FAF1: variants seen among roughly 807,000 people sequenced by gnomAD.
FAF1 encodes the protein Fas associated factor 1.
FAF1 carries 25 observed loss-of-function variants against 92.5 expected under a neutral mutation model. The observed-to-expected ratio is 0.27, with a 90% CI of 0.20 to 0.38. The LOEUF (loss-of-function observed/expected upper bound fraction) is 0.38, where lower values mean the gene tolerates loss of function less well. FAF1 is among the 10% of genes least tolerant of loss of function. The probability of loss-of-function intolerance (pLI) is 1.00; values close to 1 mark genes in which losing one functional copy is unlikely to be tolerated. For missense variants in FAF1, 636 were observed against 793.3 expected (o/e 0.80, Z 2.38); for synonymous variants, 234 against 273.2 (o/e 0.86, Z 1.42).
At chr1:50,449,983 T>C (rs1429736584) in intron 18 of FAF1, among the ~76,000 whole-genome samples, 1 of 151,540 alleles carries the variant, frequency 6.6e-6, no homozygotes, top group East Asian at 2.0e-4. Context: ...TCACTTGAGG[T>C]CAGGAGTTCG....
At chr1:50,797,631 C>A (rs777651017) in intron 3 of FAF1, among the ~76,000 whole-genome samples, 18 of 151,966 alleles carry the variant, frequency 1.2e-4, no homozygotes, top group South Asian at 4.1e-4. Flanking sequence ...TCCAGGAAGT[C>A]GAGGCTGCAG....
At chr1:50,599,189 T>A (rs1244091192) in intron 8 of FAF1, among the ~76,000 whole-genome samples, 7 of 152,098 alleles carry the variant, frequency 4.6e-5, no homozygotes, top group Admixed American at 4.6e-4. Context: ...CTCAGCTCAC[T>A]GCAACCTCCA....
Position 50,744,795 on chromosome 1 carries a change from TCA to T in FAF1, c.368-22_368-21del. 1 of 1,394,030 alleles carries T rather than the reference TCA, an allele frequency of 7.2e-7. No individual in the cohort carries two copies. Among genetic ancestry groups the T allele is most frequent in the South Asian group, 1.2e-5 (1 of 81,306 alleles). The allele number at this position is 1,394,030 out of a possible 1,614,324, so 86.4% of individuals were successfully genotyped here. On this transcript the variant is annotated intron_variant, in intron 4 of 18. Coordinates refer to ENST00000396153, the MANE Select transcript of FAF1 (RefSeq NM_007051.3). ...TCTCTCCTGTATAAATAAGAAGAGA[TCA>T]AATATTACTAACAAAATAACACAGT...
At chr1:50,472,725 T>TA (rs1391299350) in intron 18 of FAF1, among the ~76,000 whole-genome samples, 2 of 152,170 alleles carry the variant, frequency 1.3e-5, no homozygotes, top group East Asian at 3.8e-4. Context: ...TTAAGGCTTA[T>TA]ATTATTTGTT....
At chr1:50,842,044 T>C (rs774474916) in intron 2 of FAF1, among the ~76,000 whole-genome samples, 2 of 152,094 alleles carry the variant, frequency 1.3e-5, no homozygotes, top group African/African-American at 2.4e-5. Flanking sequence ...GGCCTCATTA[T>C]ACTTTCTAAC....
chr1:50,623,965 A>G (rs111788179), intron 8 of FAF1, among the ~76,000 whole-genome samples: 2,085 of 151,948 alleles, frequency 0.014, 46 homozygotes, highest in African/African-American at 0.046. Context: ...GAAGAAGAAG[A>G]AGAAAGAAGA....
chr1:50,646,549 A>G (rs1654596044), intron 8 of FAF1, among the ~76,000 whole-genome samples: 1 of 152,214 alleles, frequency 6.6e-6, no homozygotes, highest in South Asian at 2.1e-4. Context: ...CTTACTTCCA[A>G]TGCTTATAAT....
intron 1 of FAF1, among the ~76,000 whole-genome samples, chr1:50,913,476 T>C (rs1361435123): frequency 1.3e-5 from 2 of 152,204 alleles, no homozygotes; most frequent in Non-Finnish European, 2.9e-5. Flanking sequence ...GGGCTGAATC[T>C]ATCCATTAGA....
chr1:50,700,970 C>A (rs1486443182), intron 7 of FAF1, among the ~76,000 whole-genome samples: 5 of 151,906 alleles, frequency 3.3e-5, no homozygotes, highest in African/African-American at 9.7e-5. Context: ...AAAATGATCC[C>A]TACTGATTTA....
At chr1:50,490,704 T>C (rs1363677174) in intron 16 of FAF1, 39 bp from the exon 17 acceptor site, 8 of 1,165,852 alleles carry the variant, frequency 6.9e-6, no homozygotes, top group African/African-American at 4.6e-5. Flanking sequence ...ACTTAACACA[T>C]ACTTGTTTAC....
intron 15 of FAF1, among the ~76,000 whole-genome samples, chr1:50,525,426 T>C (rs1368526069): frequency 6.6e-6 from 1 of 152,246 alleles, no homozygotes; most frequent in Non-Finnish European, 1.5e-5. Context: ...ACAAGTTTGC[T>C]GACTTTGTTT....
chr1:50,507,422 G>C (rs1234682178), intron 15 of FAF1, among the ~76,000 whole-genome samples: 1 of 152,168 alleles, frequency 6.6e-6, no homozygotes, highest in Non-Finnish European at 1.5e-5. Context: ...CATTTTTACG[G>C]GGACTAGTTA....
chr1:50,831,797 A>C (rs1644155253), intron 2 of FAF1, among the ~76,000 whole-genome samples: 1 of 141,014 alleles, frequency 7.1e-6, no homozygotes, highest in Non-Finnish European at 1.5e-5. Context: ...GAGTATCCTT[A>C]TCAGAGACAA....
chr1:50,945,779 C>T (rs1645168535), intron 1 of FAF1, among the ~76,000 whole-genome samples: 1 of 152,214 alleles, frequency 6.6e-6, no homozygotes, highest in South Asian at 2.1e-4. Context: ...TAGCAACAGG[C>T]AAAGGTCCGT....
At position 50,755,970 on chromosome 1, in the gene FAF1, T is replaced by C. The variant is rs534554713; in HGVS notation, c.368-11195A>G. 1.6e-4 allele frequency among the ~76,000 whole-genome samples: 24 copies of C among 152,308 alleles called. No homozygotes were observed. The South Asian group carries it at 5.0e-3, about 32-fold the overall frequency. ...AAACCACTTTTTCTTTCTAGGCCTC[T>C]GGGTCTGTCATGGGAGGGCCTGCTG... On this transcript the variant is annotated intron_variant, in intron 4 of 18. Coordinates refer to ENST00000396153, the MANE Select transcript of FAF1 (RefSeq NM_007051.3).
intron 4 of FAF1, among the ~76,000 whole-genome samples, chr1:50,784,121 C>T (rs1276710159): frequency 6.6e-6 from 1 of 152,130 alleles, no homozygotes; most frequent in Non-Finnish European, 1.5e-5. Flanking sequence ...CTTCTAACAT[C>T]AGGAACAAGC....
At chr1:50,940,742 G>A (rs1440205275) in intron 1 of FAF1, among the ~76,000 whole-genome samples, 2 of 152,168 alleles carry the variant, frequency 1.3e-5, no homozygotes, top group African/African-American at 2.4e-5. Context: ...GTAATGTACA[G>A]GCACTGATGA....
chr1:50,676,407 TAAA>T (rs553641377), intron 7 of FAF1, among the ~76,000 whole-genome samples: 1 of 134,174 alleles, frequency 7.5e-6, no homozygotes, highest in East Asian at 2.2e-4. Context: ...AACTCTGTCT[TAAA>T]AAAAAAAAAA....
chr1:50,573,817 C>CAA (rs199900774), intron 12 of FAF1, among the ~76,000 whole-genome samples: 55 of 132,000 alleles, frequency 4.2e-4, no homozygotes, highest in African/African-American at 1.4e-3. Flanking sequence ...GGGTTAAAAA[C>CAA]AAAAAAAAAA....
Sources: allele counts gnomAD v4.1 joint callset (sites outside exome capture counted in the v4.1 genomes callset), GRCh38; gene constraint gnomAD v4.1.1; transcripts MANE v1.5; gene names NCBI Gene and HGNC (gene_info 2026-07-23, HGNC 2026-07-21).